ZNF883: variants seen among roughly 807,000 people sequenced by gnomAD.
ZNF883 encodes the protein zinc finger protein 883.
downstream of ZNF883, among the ~76,000 whole-genome samples, chr9:112,993,340 C>T (rs1828319098): frequency 6.6e-6 from 1 of 152,230 alleles, no homozygotes. Context: ...CATAGGGCTA[C>T]TGCAATTTGC....
At chr9:113,006,447 C>T (rs929257151) in intron 2 of ZNF883, among the ~76,000 whole-genome samples, 2 of 152,110 alleles carry the variant, frequency 1.3e-5, no homozygotes, top group African/African-American at 4.8e-5. Context: ...GAGTAGCCAC[C>T]CTTTTATTTT....
intron 2 of ZNF883, among the ~76,000 whole-genome samples, chr9:113,004,929 T>A (rs1828460432): frequency 6.6e-6 from 1 of 151,858 alleles, no homozygotes; most frequent in African/African-American, 2.4e-5. Flanking sequence ...ATTTAATATA[T>A]GATAAAGGTA....
chr9:112,996,041 T>G (rs1828350657), downstream of ZNF883, among the ~76,000 whole-genome samples: 1 of 152,198 alleles, frequency 6.6e-6, no homozygotes, highest in Admixed American at 6.5e-5. Context: ...TGTATAATTT[T>G]TGTTCTAGTT....
At chr9:113,001,534 G>A (rs1034170261), upstream of ZNF883, among the ~76,000 whole-genome samples, 1 of 151,992 alleles carries the variant, frequency 6.6e-6, no homozygotes, top group East Asian at 1.9e-4. Context: ...ATACAGACGA[G>A]GGGCTCTGCA....
upstream of ZNF883, among the ~76,000 whole-genome samples, chr9:113,002,794 A>G (rs1828439110): frequency 6.6e-6 from 1 of 152,148 alleles, no homozygotes; most frequent in African/African-American, 2.4e-5. Flanking sequence ...GGCCTTCGGG[A>G]GGCGATTAAG....
At chr9:112,988,506 C>T (rs938370797) in intron 1 of ZNF883, among the ~76,000 whole-genome samples, 5 of 152,042 alleles carry the variant, frequency 3.3e-5, no homozygotes, top group Admixed American at 1.3e-4. Context: ...CATAATATTC[C>T]GTTTTCTTTA....
chr9:112,988,988 T>G (rs1384167573), intron 1 of ZNF883, among the ~76,000 whole-genome samples: 1 of 152,230 alleles, frequency 6.6e-6, no homozygotes, highest in Admixed American at 6.5e-5. Flanking sequence ...TTATTTGTTC[T>G]TGTAAATTTG....
chr9:112,999,913 G>C (rs1828406593), upstream of ZNF883: 1 of 152,138 alleles, frequency 6.6e-6, no homozygotes, highest in Non-Finnish European at 1.5e-5. Flanking sequence ...GGAGTTGAAA[G>C]TTATAACCCT....
chr9:112,996,504 T>TC (rs1828355215), downstream of ZNF883, among the ~76,000 whole-genome samples: 1 of 152,118 alleles, frequency 6.6e-6, no homozygotes, highest in Non-Finnish European at 1.5e-5. Flanking sequence ...CAAAAGGTTT[T>TC]TTTATGGCCG....
chr9:112,998,258 A>G (rs997695392), exon 1 of ZNF883: 9 of 1,590,046 alleles, frequency 5.7e-6, no homozygotes, highest in African/African-American at 4.1e-5. Flanking sequence ...CTCAGATTCC[A>G]TCAGTACTGA....
At chr9:113,007,617 T>C (rs1231544192) in intron 2 of ZNF883, among the ~76,000 whole-genome samples, 1 of 152,230 alleles carries the variant, frequency 6.6e-6, no homozygotes, top group Non-Finnish European at 1.5e-5. Context: ...CAAGGCTGAC[T>C]CTGATGTTGT....
At chr9:112,997,349 T>C (rs777069504) in exon 1 of ZNF883, 24 of 1,614,084 alleles carry the variant, frequency 1.5e-5, no homozygotes, top group East Asian at 2.2e-5. Context: ...TGATGTTCTA[T>C]AGCAAAACAG....
At chr9:113,008,525 A>T (rs903187043) in intron 2 of ZNF883, among the ~76,000 whole-genome samples, 2 of 152,106 alleles carry the variant, frequency 1.3e-5, no homozygotes, top group African/African-American at 4.8e-5. Context: ...TGATAGAAAC[A>T]TTATGTATTT....
intron 2 of ZNF883, among the ~76,000 whole-genome samples, chr9:113,009,398 C>T (rs1433818526): frequency 6.6e-6 from 1 of 152,144 alleles, no homozygotes; most frequent in East Asian, 1.9e-4. Flanking sequence ...CCTGATGCTC[C>T]CACAAAGGTT....
chr9:112,988,462 G>A (rs1828273113), intron 1 of ZNF883, among the ~76,000 whole-genome samples: 1 of 152,174 alleles, frequency 6.6e-6, no homozygotes, highest in African/African-American at 2.4e-5. Context: ...CCACAGCCCT[G>A]CAAAGGACAC....
At chr9:112,994,017 G>A (rs958984818), downstream of ZNF883, among the ~76,000 whole-genome samples, 10 of 152,056 alleles carry the variant, frequency 6.6e-5, no homozygotes, top group Admixed American at 5.2e-4. Flanking sequence ...AGTCCTTCCC[G>A]CAGGAACTCA....
exon 1 of ZNF883, chr9:112,998,124 A>G (rs1377581082): frequency 1.2e-6 from 2 of 1,613,954 alleles, no homozygotes; most frequent in South Asian, 1.1e-5. Context: ...GACTTACCAC[A>G]TATTTTACAT....
At chr9:113,001,046 A>G (rs1343070823), upstream of ZNF883, among the ~76,000 whole-genome samples, 1 of 152,152 alleles carries the variant, frequency 6.6e-6, no homozygotes, top group Non-Finnish European at 1.5e-5. Context: ...AAAATACCAA[A>G]CACAGCAGAA....
At chr9:113,012,028 G>GC (rs2118634352) in intron 1 of ZNF883, 122 bp downstream of exon 1, 1 of 152,316 alleles carries the variant, frequency 6.6e-6, no homozygotes. Flanking sequence ...GCTTTCCTCC[G>GC]CCCCCGGGCC....
Sources: gnomAD v4.1 joint callset for allele counts (sites outside exome capture counted in the v4.1 genomes callset) on GRCh38, gnomAD v4.1.1 for gene constraint, MANE v1.5 for transcripts, NCBI Gene and HGNC (gene_info 2026-07-23, HGNC 2026-07-21) for gene names.